The following CCDC190 variants were observed in gnomAD, a reference collection of about 807,000 sequenced individuals.
The protein encoded by CCDC190 is coiled-coil domain-containing protein 190.
In CCDC190, 10 loss-of-function variants were observed where a neutral mutation model predicts 13.1. The observed-to-expected ratio is 0.77, with a 90% confidence interval of 0.47 to 1.30. CCDC190 has a LOEUF of 1.30. Among genes scored for constraint, CCDC190 ranks in the 50% most tolerant of loss-of-function variants. The probability of loss-of-function intolerance (pLI) is 0.00; values close to 1 mark genes in which losing one functional copy is unlikely to be tolerated. For missense variants in CCDC190, 375 were observed against 354.3 expected (o/e 1.06, Z -0.47); for synonymous variants, 136 against 127.2 (o/e 1.07, Z -0.47).
chr1:162,858,052 A>C (rs1650368186), intron 2 of CCDC190, among the ~76,000 whole-genome samples: 1 of 152,224 alleles, frequency 6.6e-6, no homozygotes, highest in African/African-American at 2.4e-5. Flanking sequence ...ATTCCATTTA[A>C]ATGAATCATG....
intron 1 of CCDC190, among the ~76,000 whole-genome samples, chr1:162,866,697 T>C (rs1299006145): frequency 6.6e-6 from 1 of 152,206 alleles, no homozygotes; most frequent in East Asian, 1.9e-4. Flanking sequence ...TCGAGACTTA[T>C]TCTAATGCTA....
rs758676134 is a variant in CCDC190, at chr1:162,855,750, T to C, written c.193A>G (p.Met65Val). 1.3e-6 allele frequency: 2 copies of C among 1,594,382 alleles called. No homozygotes were observed. Among genetic ancestry groups the C allele is most frequent in the East Asian group, 2.2e-5 (1 of 44,638 alleles). ...AAATAAGAGGAGAACTTTTTCTTCA[T>C]GGTTTCTGCTTTGAGTTAATTAAGA... ...KELQRLQQET[M>V]KKKFSSYLGN... The change falls in exon 3 of 4, where the codon ATG (methionine) becomes GTG (valine). Residue 65 changes from methionine to valine, a missense_variant. Physicochemically the swap from Met to Val is conservative, Grantham distance 21. Coordinates refer to ENST00000367912, the MANE Select transcript of CCDC190 (RefSeq NM_001394065.1).
chr1:162,855,931 G>A (rs965350162), intron 2 of CCDC190, 176 bp from the exon 3 acceptor site: 23 of 523,688 alleles, frequency 4.4e-5, no homozygotes, highest in Non-Finnish European at 7.4e-5. Context: ...TATTACCGGT[G>A]TCCTTATAAG....
At chr1:162,858,786 A>C (rs560208590) in intron 2 of CCDC190, among the ~76,000 whole-genome samples, 1 of 152,252 alleles carries the variant, frequency 6.6e-6, no homozygotes, top group African/African-American at 2.4e-5. Flanking sequence ...CAGACTGTAC[A>C]ACTGTGACTA....
At position 162,851,250 on chromosome 1, in the gene CCDC190, T is replaced by C. The variant is rs1350671877; in HGVS notation, c.*3515A>G. On this transcript the variant is annotated 3_prime_UTR_variant, in exon 4 of 4. Coordinates refer to ENST00000367912, the MANE Select transcript of CCDC190 (RefSeq NM_001394065.1). ...GTGTGGTTGGAGGTGAGGGAATGAG[T>C]TGGTTCACGCAATGGTCCACACACC... 1 of 151,466 alleles carries C rather than the reference T, an allele frequency of 6.6e-6. No homozygotes were observed. Among genetic ancestry groups the C allele is most frequent in the Non-Finnish European group, 1.5e-5 (1 of 67,930 alleles). 9.4% of individuals were successfully genotyped at this position (151,466 alleles called of 1,614,324 possible). A position where few individuals can be genotyped will look rare whatever the true frequency, so the allele number is the denominator to read the frequency against.
chr1:162,860,876 A>G (rs1650488311), intron 1 of CCDC190, 132 bp downstream of exon 1: 2 of 276,142 alleles, frequency 7.2e-6, no homozygotes, highest in East Asian at 1.8e-4. Context: ...TGATTATAAT[A>G]CAGAAAAAAA....
chr1:162,855,503 T>C, intron 3 of CCDC190, 129 bp downstream of exon 3: 1 of 1,484,412 alleles, frequency 6.7e-7, no homozygotes, highest in Non-Finnish European at 9.1e-7. Flanking sequence ...AACTGAGTAG[T>C]AACAATGCAG....
At chr1:162,868,413 C>T (rs1650781435) in intron 1 of CCDC190, among the ~76,000 whole-genome samples, 1 of 95,566 alleles carries the variant, frequency 1.0e-5, no homozygotes, top group Non-Finnish European at 2.5e-5. Context: ...ATTATACTTT[C>T]ATAGATTAAG....
intron 1 of CCDC190, among the ~76,000 whole-genome samples, chr1:162,867,384 G>T (rs1650744568): frequency 6.6e-6 from 1 of 152,068 alleles, no homozygotes; most frequent in Non-Finnish European, 1.5e-5. Flanking sequence ...AAACAACGAG[G>T]TAACCCTTTT....
rs747247706 is a variant in CCDC190 at position 162,853,051 on chromosome 1, C to T, written c.*1714G>A. Reference sequence around the variant, plus strand: ...AATCAATCAGTTCTGTCACTTATGGCCTGCCTTCCTCTGTTGCTTTGCTTC... The same window carrying T: ...AATCAATCAGTTCTGTCACTTATGGTCTGCCTTCCTCTGTTGCTTTGCTTC... On this transcript the variant is annotated 3_prime_UTR_variant, in exon 4 of 4. Transcript: ENST00000367912. The T allele has an allele frequency of 9.7e-5, 137 of 1,413,068 alleles. No individual in the cohort carries two copies. Among genetic ancestry groups the T allele is most frequent in the Non-Finnish European group, 1.3e-4 (135 of 1,022,438 alleles). 87.5% of individuals were successfully genotyped at this position (1,413,068 alleles called of 1,614,324 possible). A position where few individuals can be genotyped will look rare whatever the true frequency, so the allele number is the denominator to read the frequency against.
At chr1:162,861,875 T>TC (rs907929257), upstream of CCDC190, among the ~76,000 whole-genome samples, 2 of 151,690 alleles carry the variant, frequency 1.3e-5, no homozygotes, top group Non-Finnish European at 1.5e-5. Context: ...GGCCTGATAA[T>TC]CCCCCCAGAG....
chr1:162,855,488 G>T (rs780807127), intron 3 of CCDC190, 129 bp from the exon 4 acceptor site: 2 of 1,459,214 alleles, frequency 1.4e-6, no homozygotes, highest in Non-Finnish European at 1.8e-6. Flanking sequence ...TGGGGTGGAG[G>T]GTGAAACTGA....
rs1650223661 is a variant in CCDC190, at chr1:162,854,766, TAG to T, written c.903_904del (p.Ter302ThrfsTer3). 1 of 1,604,818 alleles carries T rather than the reference TAG, an allele frequency of 6.2e-7. No individual in the cohort carries two copies. Among genetic ancestry groups the T allele is most frequent in the African/African-American group, 1.3e-5 (1 of 74,652 alleles). ...TTATTGTCAGGCTATGTTAAACGGTTAGAGAGGAAGAAACTTAGAAGGCACCC... is the reference window on the plus strand; with the variant it reads ...TTATTGTCAGGCTATGTTAAACGGTTAGAGGAAGAAACTTAGAAGGCACCC... On this transcript the variant is annotated frameshift_variant and stop_lost, in exon 4 of 4. Coordinates refer to ENST00000367912, the MANE Select transcript of CCDC190 (RefSeq NM_001394065.1). LOFTEE classifies it high-confidence loss of function.
rs1242119559 is a variant in CCDC190, at chr1:162,855,708, T to G, written c.235A>C (p.Lys79Gln). The G allele has an allele frequency of 6.2e-7, 1 of 1,613,500 alleles. No individual in the cohort carries two copies. Among genetic ancestry groups the G allele is most frequent in the South Asian group, 1.1e-5 (1 of 91,002 alleles). ...FSSYLGNGFQKRPEDVLVFSP... is the reference protein window; with the variant it reads ...FSSYLGNGFQQRPEDVLVFSP... ...AACACGAGAACATCTTCTGGTCTCTTCTGAAATCCATTCCCCAAATAAGAG... is the reference window on the plus strand; with the variant it reads ...AACACGAGAACATCTTCTGGTCTCTGCTGAAATCCATTCCCCAAATAAGAG... Residue 79 changes from lysine to glutamine, a missense_variant, in exon 3 of 4, where the codon AAG becomes CAG. By Grantham distance (53) the Lys-to-Gln change is moderately conservative (BLOSUM62 1). Coordinates refer to ENST00000367912, the MANE Select transcript of CCDC190 (RefSeq NM_001394065.1).
At chr1:162,866,035 A>G (rs1244104808), upstream of CCDC190, among the ~76,000 whole-genome samples, 2 of 152,260 alleles carry the variant, frequency 1.3e-5, no homozygotes, top group African/African-American at 4.8e-5. Flanking sequence ...TAATATATCA[A>G]TATACAAAAT....
At chr1:162,859,428 G>T (rs1192311868) in intron 2 of CCDC190, 32 bp downstream of exon 2, 6 of 1,595,000 alleles carry the variant, frequency 3.8e-6, no homozygotes, top group Non-Finnish European at 5.1e-6. Context: ...GTGCCTCTGG[G>T]GCATCCTCCT....
chr1:162,858,854 G>A (rs937399335), intron 2 of CCDC190, among the ~76,000 whole-genome samples: 1 of 152,184 alleles, frequency 6.6e-6, no homozygotes, highest in African/African-American at 2.4e-5. Flanking sequence ...ATTGATAAGA[G>A]TGGGCACTTA....
At chr1:162,864,379 A>G (rs547866824), upstream of CCDC190, among the ~76,000 whole-genome samples, 22 of 152,318 alleles carry the variant, frequency 1.4e-4, no homozygotes, top group South Asian at 2.9e-3. Context: ...GTTAAAGGTA[A>G]TTCTTCAAGC....
At chr1:162,866,918 A>G (rs1017506322) in intron 1 of CCDC190, among the ~76,000 whole-genome samples, 2 of 152,146 alleles carry the variant, frequency 1.3e-5, no homozygotes, top group Non-Finnish European at 2.9e-5. Flanking sequence ...TTCAATTTTT[A>G]TGTTATCCCC....
Sources: gnomAD v4.1 joint callset for allele counts (sites outside exome capture counted in the v4.1 genomes callset) on GRCh38, gnomAD v4.1.1 for gene constraint, MANE v1.5 for transcripts, NCBI Gene and HGNC (gene_info 2026-07-23, HGNC 2026-07-21) for gene names.